The following KHDRBS1 variants were observed in gnomAD, a reference collection of about 807,000 sequenced individuals.
The protein encoded by KHDRBS1 is KH domain-containing, RNA-binding, signal transduction-associated protein 1.
KHDRBS1 carries 7 observed loss-of-function variants against 48.4 expected under a neutral mutation model. The observed-to-expected ratio is 0.14, with a 90% CI of 0.08 to 0.27. KHDRBS1 has a LOEUF of 0.27. Ranked by LOEUF, KHDRBS1 falls within the 10% of genes least tolerant of loss-of-function variation. KHDRBS1 has a pLI of 1.00. For missense variants in KHDRBS1, 458 were observed against 601.2 expected (o/e 0.76, Z 2.49); for synonymous variants, 241 against 235.8 (o/e 1.02, Z -0.20).
chr1:32,045,292 C>A (rs760319975), downstream of KHDRBS1: 2 of 152,606 alleles, frequency 1.3e-5, no homozygotes, highest in Admixed American at 6.5e-5. Context: ...TTTAAAACTT[C>A]CTCTTCAAAA....
chr1:32,030,840 C>T, intron 2 of KHDRBS1, among the ~76,000 whole-genome samples: 2 of 149,896 alleles, frequency 1.3e-5, no homozygotes. Flanking sequence ...TTTTTTTCTT[C>T]CTTTTTTTTT....
intron 1 of KHDRBS1, among the ~76,000 whole-genome samples, chr1:32,029,308 T>C (rs1639036496): frequency 6.6e-6 from 1 of 152,248 alleles, no homozygotes; most frequent in Admixed American, 6.5e-5. Flanking sequence ...ATTGTATACA[T>C]TAATTATGTA....
At chr1:32,018,630 G>A (rs1299432142) in intron 1 of KHDRBS1, among the ~76,000 whole-genome samples, 5 of 152,044 alleles carry the variant, frequency 3.3e-5, no homozygotes, top group East Asian at 1.9e-4. Context: ...AGTGGCGGGC[G>A]CCTGTAGTCC....
intron 4 of KHDRBS1, among the ~76,000 whole-genome samples, chr1:32,034,420 C>T (rs1569797190): frequency 6.6e-6 from 1 of 152,042 alleles, no homozygotes; most frequent in East Asian, 1.9e-4. Flanking sequence ...ATTAGCCGGG[C>T]GTGGTGGCAC....
intron 10 of KHDRBS1, among the ~76,000 whole-genome samples, chr1:32,057,809 AAGAG>A (rs529167671): frequency 1.5e-4 from 22 of 146,542 alleles, no homozygotes; most frequent in South Asian, 4.3e-4. Flanking sequence ...AAAAAAAAAA[AAGAG>A]AGAGAGAGAT....
intron 1 of KHDRBS1, among the ~76,000 whole-genome samples, chr1:32,023,679 A>G (rs780421824): frequency 2.8e-4 from 42 of 152,170 alleles, no homozygotes; most frequent in Admixed American, 6.5e-4. Context: ...CTCCTCCTTG[A>G]TTTTTTGTCT....
chr1:32,039,531 G>T lies in KHDRBS1; in HGVS notation c.1192G>T (p.Asp398Tyr). ...SQSQGDSEYY[D>Y]YGHGEVQDSY... ...GGCTTTCAGGGACTCAGAATATTAT[G>T]ACTATGGACATGGGGAGGTTCAAGA... Residue 398 changes from aspartate to tyrosine, a missense_variant, in exon 8 of 9, where the codon GAC becomes TAC. By Grantham distance (160) the Asp-to-Tyr change is radical. Around this residue, in one of 3 missense-constraint regions of KHDRBS1, gnomAD observed 171 missense variants for 228.7 expected, o/e 0.75. Coordinates refer to ENST00000327300, the MANE Select transcript of KHDRBS1 (RefSeq NM_006559.3). 1 of 1,510,932 alleles carries T rather than the reference G, an allele frequency of 6.6e-7. No homozygotes were observed. Among genetic ancestry groups the T allele is most frequent in the South Asian group, 1.1e-5 (1 of 88,920 alleles). The allele number at this position is 1,510,932 out of a possible 1,614,324, so 93.6% of individuals were successfully genotyped here.
In KHDRBS1 at chr1:32,037,025, C is replaced by T. The variant is rs143541210; in HGVS notation, c.887C>T (p.Pro296Leu). Residue 296 changes from proline (P) to leucine (L), a missense_variant, in exon 5 of 9, where the codon CCT (proline) becomes CTT (leucine). By Grantham distance (98) the Pro-to-Leu change is moderately conservative. Coordinates refer to ENST00000327300, the MANE Select transcript of KHDRBS1 (RefSeq NM_006559.3). ...GTGAGAGGCCGGGGAGCTGCACCTC[C>T]TCCACCACCTGTTCCCAGGTAAAAA... ...VPVRGRGAAP[P>L]PPPVPRGRGV... 3.0e-5 allele frequency: 48 copies of T among 1,613,902 alleles called. No homozygotes were observed. The African/African-American group carries it at 5.5e-4, about 18-fold the overall frequency.
chr1:32,058,496 C>T (rs1639507117), intron 10 of KHDRBS1, among the ~76,000 whole-genome samples: 1 of 152,150 alleles, frequency 6.6e-6, no homozygotes, highest in Non-Finnish European at 1.5e-5. Context: ...TAACACATGG[C>T]AGTCCTAACA....
At chr1:32,028,477 C>T (rs1343355530) in intron 1 of KHDRBS1, among the ~76,000 whole-genome samples, 1 of 143,526 alleles carries the variant, frequency 7.0e-6, no homozygotes, top group South Asian at 2.2e-4. Flanking sequence ...TATATATACA[C>T]GTATATATAT....
At chr1:32,025,196 G>A (rs952904867) in intron 1 of KHDRBS1, among the ~76,000 whole-genome samples, 1 of 150,406 alleles carries the variant, frequency 6.6e-6, no homozygotes, top group African/African-American at 2.4e-5. Flanking sequence ...AACCCAGGAG[G>A]TTGAGGCTAC....
chr1:32,037,582 T>A (rs1013984462), intron 5 of KHDRBS1, among the ~76,000 whole-genome samples: 1 of 152,208 alleles, frequency 6.6e-6, no homozygotes, highest in Non-Finnish European at 1.5e-5. Context: ...ATTCTACCTT[T>A]TGTGACTGAC....
intron 10 of KHDRBS1, among the ~76,000 whole-genome samples, chr1:32,059,178 AAAAAAAC>A (rs1159849259): frequency 1.2e-4 from 18 of 151,322 alleles, no homozygotes; most frequent in South Asian, 4.2e-4. Context: ...AAAAAAAAAA[AAAAAAAC>A]AAAACCTTTT....
chr1:32,036,949 C>T lies in KHDRBS1; in HGVS notation c.811C>T (p.Leu271=). ...TATCTGTCAGGAGCAATTTCTAGAG[C>T]TGTCCTACTTGAATGGAGTACCTGA... ...DDICQEQFLE[L]SYLNGVPEPS... Residue 271 remains leucine (L), a synonymous_variant, in exon 5 of 9, where the codon CTG becomes TTG. Transcript: ENST00000327300. 1 of 1,614,000 alleles carries T rather than the reference C, an allele frequency of 6.2e-7. No homozygotes were observed. The highest frequency in any genetic ancestry group is 8.5e-7 in the Non-Finnish European group (1 of 1,179,932).
At chr1:32,016,680 T>C (rs770137724) in intron 1 of KHDRBS1, among the ~76,000 whole-genome samples, 1 of 152,184 alleles carries the variant, frequency 6.6e-6, no homozygotes, top group Non-Finnish European at 1.5e-5. Context: ...CCCTGAGCAC[T>C]CTTCCTGTAC....
At chr1:32,056,877 G>A (rs893352636) in intron 10 of KHDRBS1, among the ~76,000 whole-genome samples, 2 of 152,222 alleles carry the variant, frequency 1.3e-5, no homozygotes, top group South Asian at 2.1e-4. Context: ...TCCAGTGGCC[G>A]GTGAACAATA....
At chr1:32,035,560 C>A (rs1325742570) in intron 4 of KHDRBS1, among the ~76,000 whole-genome samples, 1 of 152,160 alleles carries the variant, frequency 6.6e-6, no homozygotes, top group Non-Finnish European at 1.5e-5. Flanking sequence ...GCATCTGTGA[C>A]CAGAGCCCTC....
intron 3 of KHDRBS1, among the ~76,000 whole-genome samples, chr1:32,032,321 T>C (rs6702807): frequency 0.049 from 7,396 of 152,240 alleles, 599 homozygotes; most frequent in African/African-American, 0.17. Context: ...TTTTATGTAG[T>C]CTAATGGACA....
chr1:32,036,838 C>G, intron 4 of KHDRBS1, 72 bp from the exon 5 acceptor site: 1 of 1,498,320 alleles, frequency 6.7e-7, no homozygotes, highest in Non-Finnish European at 9.0e-7. Flanking sequence ...ATTCAAGTCT[C>G]CCGTGGACCA....
Sources: gnomAD v4.1 joint callset for allele counts (sites outside exome capture counted in the v4.1 genomes callset) on GRCh38, gnomAD v4.1.1 for gene constraint, gnomAD v4.1.1 regional missense constraint, MANE v1.5 for transcripts, NCBI Gene and HGNC (gene_info 2026-07-23, HGNC 2026-07-21) for gene names.